Variants in FGD4 observed in about 807,000 individuals in gnomAD.
FGD4 encodes the protein FYVE, RhoGEF and PH domain-containing protein 4.
Under a neutral mutation model 102.0 loss-of-function variants are expected in FGD4, and 42 were observed. The observed-to-expected ratio is 0.41, with a 90% CI of 0.32 to 0.53. FGD4 has a LOEUF of 0.53. Among genes scored for constraint, FGD4 ranks in the 20% least tolerant of loss-of-function variants. The pLI, the probability that FGD4 is intolerant of heterozygous loss-of-function variation, is 0.21. For synonymous variants in FGD4, 380 were observed against 375.7 expected (o/e 1.01, Z -0.13); for missense variants, 902 against 1,078.2 (o/e 0.84, Z 2.29).
chr12:32,596,466 G>A (rs2136579126), intron 4 of FGD4, among the ~76,000 whole-genome samples: 1 of 152,282 alleles, frequency 6.6e-6, no homozygotes. Context: ...TTGAGGAAGT[G>A]AGTAGAGGTT....
rs913525684 is a variant in FGD4 at position 32,618,535 on chromosome 12, T to TA, written c.1750-1153dup. Among the ~76,000 whole-genome samples, 24 of 150,882 alleles carry TA rather than the reference T, an allele frequency of 1.6e-4. No individual in the cohort carries two copies. The East Asian group carries it at 3.3e-3, about 21-fold the overall frequency. ...AAGCTTAACATTAAACAGTCTGGTT[T>TA]AAAAAAAAAATTGCTGACCAGATGC... On this transcript the variant is annotated intron_variant, in intron 10 of 16. Coordinates refer to ENST00000534526, the MANE Select transcript of FGD4 (RefSeq NM_001370298.3).
intron 7 of FGD4, among the ~76,000 whole-genome samples, chr12:32,602,893 C>T (rs1278052495): frequency 6.6e-6 from 1 of 152,104 alleles, no homozygotes; most frequent in African/African-American, 2.4e-5. Context: ...CCTTGACTGT[C>T]TTCTTTTGTG....
chr12:32,624,375 G>T, intron 11 of FGD4, 47 bp from the exon 12 acceptor site: 3 of 1,416,156 alleles, frequency 2.1e-6, no homozygotes, highest in Non-Finnish European at 3.0e-6. Context: ...CACCCAGTGT[G>T]AATCATTAAT....
chr12:32,493,607 T>G (rs531783104), intron 1 of FGD4, among the ~76,000 whole-genome samples: 1 of 152,364 alleles, frequency 6.6e-6, no homozygotes, highest in East Asian at 1.9e-4. Context: ...TAGCCCAGGC[T>G]TAGCGTTATC....
Position 32,544,251 on chromosome 12 carries a change from C to CA in FGD4, c.167-19880dup, listed in dbSNP as rs989102126. On this transcript the variant is annotated intron_variant, in intron 1 of 16. Coordinates refer to ENST00000534526, the MANE Select transcript of FGD4 (RefSeq NM_001370298.3). This position sits in a 1 kb window ranked among gnomAD's most constrained non-coding sequence, Gnocchi z 4.1. The stretch of plus-strand genomic sequence containing the variant: ...GACCAGCCTGGCCAACATGGTGAAA[C>CA]AAAAAATGTCTCTACAAAAAATGCA... 4.0e-4 allele frequency among the ~76,000 whole-genome samples: 60 copies of CA among 151,632 alleles called. No individual in the cohort carries two copies. The highest frequency in any genetic ancestry group is 1.4e-3 in the African/African-American group (59 of 41,314).
intron 1 of FGD4, among the ~76,000 whole-genome samples, chr12:32,400,676 G>A (rs971419960): frequency 1.3e-5 from 2 of 152,188 alleles, no homozygotes; most frequent in Middle Eastern, 3.4e-3. Flanking sequence ...TTGAAACTAG[G>A]GATTTCTTTT....
At chr12:32,606,783 A>C (rs1000390649) in intron 7 of FGD4, among the ~76,000 whole-genome samples, 1 of 152,092 alleles carries the variant, frequency 6.6e-6, no homozygotes, top group African/African-American at 2.4e-5. Context: ...AACATTTCTT[A>C]TTTTTTCATC....
At chr12:32,560,446 G>A (rs1213870386) in intron 1 of FGD4, among the ~76,000 whole-genome samples, 1 of 152,052 alleles carries the variant, frequency 6.6e-6, no homozygotes, top group Non-Finnish European at 1.5e-5. Flanking sequence ...TGAAGAGACA[G>A]GATTTTGCCA....
chr12:32,567,701 T>A (rs1304176804), intron 2 of FGD4, among the ~76,000 whole-genome samples: 2 of 151,584 alleles, frequency 1.3e-5, no homozygotes, highest in African/African-American at 2.4e-5. Flanking sequence ...TTTTTTTTTT[T>A]TTGAGAGAGA....
chr12:32,441,857 C>T (rs755951960), intron 1 of FGD4, among the ~76,000 whole-genome samples: 1 of 152,116 alleles, frequency 6.6e-6, no homozygotes, highest in African/African-American at 2.4e-5. Flanking sequence ...GGTTTAAACG[C>T]TCCCTCTGTG....
At chr12:32,500,618 G>A (rs1938147769) in intron 1 of FGD4, among the ~76,000 whole-genome samples, 1 of 151,826 alleles carries the variant, frequency 6.6e-6, no homozygotes, top group Admixed American at 6.6e-5. Context: ...ATTTTTAGTA[G>A]AGACGGGATT....
intron 14 of FGD4, among the ~76,000 whole-genome samples, chr12:32,629,559 C>T (rs1245223283): frequency 6.6e-6 from 1 of 152,056 alleles, no homozygotes; most frequent in Non-Finnish European, 1.5e-5. Context: ...TTCTTACTGT[C>T]TCCCTGTGGG....
chr12:32,606,483 A>G (rs1428220154), intron 7 of FGD4, among the ~76,000 whole-genome samples: 2 of 149,292 alleles, frequency 1.3e-5, no homozygotes, highest in Non-Finnish European at 3.0e-5. Context: ...TTTTGCCAAG[A>G]AAACCTCTCT....
chr12:32,469,160 A>G (rs1943348130), intron 1 of FGD4, among the ~76,000 whole-genome samples: 4 of 152,188 alleles, frequency 2.6e-5, no homozygotes, highest in South Asian at 2.1e-4. Flanking sequence ...TTTAAAATAC[A>G]TACGCAAACA....
chr12:32,617,823 T>G (rs963043930), intron 10 of FGD4, among the ~76,000 whole-genome samples: 3 of 152,366 alleles, frequency 2.0e-5, no homozygotes, highest in Admixed American at 6.5e-5. Context: ...CTTGGTTTCT[T>G]CCTATATATG....
At chr12:32,492,331 T>G (rs1312409875) in intron 1 of FGD4, among the ~76,000 whole-genome samples, 2 of 134,084 alleles carry the variant, frequency 1.5e-5, no homozygotes, top group African/African-American at 5.4e-5. Context: ...CTGGCATGAT[T>G]GAGAAATATG....
At chr12:32,545,871 G>T (rs1219815429) in intron 1 of FGD4, among the ~76,000 whole-genome samples, 2 of 152,216 alleles carry the variant, frequency 1.3e-5, no homozygotes, top group African/African-American at 2.4e-5. Context: ...GAGAGGAAAT[G>T]CTTGAAGTCT....
chr12:32,504,026 T>C (rs1395125081), intron 1 of FGD4, among the ~76,000 whole-genome samples: 1 of 152,226 alleles, frequency 6.6e-6, no homozygotes, highest in African/African-American at 2.4e-5. Context: ...CTTACTCTTT[T>C]CTTTTTGTTA....
chr12:32,608,306 T>C (rs774061195), intron 8 of FGD4, among the ~76,000 whole-genome samples: 4 of 152,234 alleles, frequency 2.6e-5, no homozygotes, highest in Non-Finnish European at 5.9e-5. Context: ...ATCACATTAA[T>C]TTTGCTGGTT....
Sources: gnomAD v4.1 joint callset for allele counts (sites outside exome capture counted in the v4.1 genomes callset) on GRCh38, gnomAD v4.1.1 for gene constraint, Gnocchi (gnomAD v3.1) non-coding constraint, MANE v1.5 for transcripts, NCBI Gene and HGNC (gene_info 2026-07-23, HGNC 2026-07-21) for gene names.